The following MAP1B variants were observed in gnomAD, a reference collection of about 807,000 sequenced individuals.
MAP1B encodes microtubule-associated protein 1B.
A neutral mutation model predicts 176.1 loss-of-function variants in MAP1B; 12 were observed. That is an observed-to-expected ratio of 0.07 (90% CI 0.04 to 0.11). MAP1B has a LOEUF of 0.11. Among genes scored for constraint, MAP1B ranks in the 10% least tolerant of loss-of-function variants. The probability of loss-of-function intolerance (pLI) is 1.00; values close to 1 mark genes in which losing one functional copy is unlikely to be tolerated. For synonymous variants in MAP1B, 1,044 were observed against 1,135.0 expected (o/e 0.92, Z 1.61); for missense variants, 2,523 against 2,990.5 (o/e 0.84, Z 3.65).
intron 2 of MAP1B, among the ~76,000 whole-genome samples, chr5:72,167,831 GA>G (rs372851017): frequency 1.7e-4 from 26 of 152,206 alleles, no homozygotes; most frequent in African/African-American, 5.8e-4. Flanking sequence ...TTGTAGTTAC[GA>G]AACAGGAACT....
At chr5:72,185,728 TG>T (rs1385135953) in intron 3 of MAP1B, among the ~76,000 whole-genome samples, 1 of 152,138 alleles carries the variant, frequency 6.6e-6, no homozygotes, top group East Asian at 1.9e-4. Context: ...GTGGAGCAGA[TG>T]GGGCTGAAAC....
At chr5:72,134,552 A>AGAATTTGGTTTT (rs1745796598) in intron 2 of MAP1B, among the ~76,000 whole-genome samples, 7 of 152,124 alleles carry the variant, frequency 4.6e-5, no homozygotes, top group Admixed American at 3.9e-4. Context: ...TGTTAACGGA[A>AGAATTTGGTTTT]GCTGTTGTCT....
intron 2 of MAP1B, among the ~76,000 whole-genome samples, chr5:72,153,810 C>A (rs1188980624): frequency 6.6e-6 from 1 of 152,104 alleles, no homozygotes; most frequent in Non-Finnish European, 1.5e-5. Flanking sequence ...ATGACAAAAA[C>A]GTCTCCAGGT....
intron 2 of MAP1B, among the ~76,000 whole-genome samples, chr5:72,160,310 A>G (rs1044129949): frequency 6.6e-6 from 1 of 152,080 alleles, no homozygotes; most frequent in Non-Finnish European, 1.5e-5. Flanking sequence ...TTTGATCAAG[A>G]GCAATGGTAT....
chr5:72,167,592 A>G (rs1746455215), intron 2 of MAP1B, among the ~76,000 whole-genome samples: 1 of 152,234 alleles, frequency 6.6e-6, no homozygotes, highest in African/African-American at 2.4e-5. Flanking sequence ...ATCCTTTTGC[A>G]ACTGTCATTC....
Position 72,143,447 on chromosome 5 carries a change from C to T in MAP1B, c.286+27648C>T, listed in dbSNP as rs550011031. ...CAATTGAATTATGTCTTTATATTTG[C>T]AGTGTCTTCTTGGAGAGGACGTATC... On this transcript the variant is annotated intron_variant, in intron 2 of 6. Coordinates refer to ENST00000296755, the MANE Select transcript of MAP1B (RefSeq NM_005909.5). 2.0e-5 allele frequency among the ~76,000 whole-genome samples: 3 copies of T among 152,290 alleles called. No individual in the cohort carries two copies. In the South Asian group the frequency reaches 6.2e-4, roughly 32 times the overall value.
chr5:72,193,600 G>A (rs142762098), intron 4 of MAP1B, among the ~76,000 whole-genome samples: 5 of 152,328 alleles, frequency 3.3e-5, no homozygotes, highest in African/African-American at 1.2e-4. Context: ...AGATGGTGGA[G>A]GGGTTGTTGG....
At position 72,186,548 on chromosome 5, in the gene MAP1B, C is replaced by G; in HGVS notation, c.370-66C>G. On this transcript the variant is annotated intron_variant, in intron 3 of 6. Coordinates refer to ENST00000296755, the MANE Select transcript of MAP1B (RefSeq NM_005909.5). The surrounding 1 kb of genome is among the most constrained non-coding windows in gnomAD (Gnocchi z 4.3). ...ACTCCCATGGCTCCGAAGGCTAGCC[C>G]TGTCCTGAAGGTGGGATGGCAGCAC... is the stretch of plus-strand genomic sequence containing the variant. 1 of 1,585,628 alleles carries G rather than the reference C, an allele frequency of 6.3e-7. No individual in the cohort carries two copies. The highest frequency in any genetic ancestry group is 8.6e-7 in the Non-Finnish European group (1 of 1,161,936).
Position 72,195,908 on chromosome 5 carries a change from A to G in MAP1B, c.2553A>G (p.Thr851=). 6.2e-7 allele frequency: 1 copy of G among 1,614,254 alleles called. No individual in the cohort carries two copies. Among genetic ancestry groups the G allele is most frequent in the Non-Finnish European group, 8.5e-7 (1 of 1,180,046 alleles). The change falls in exon 5 of 7, where the codon ACA becomes ACG. Residue 851 remains threonine (T), a synonymous_variant. Coordinates refer to ENST00000296755, the MANE Select transcript of MAP1B (RefSeq NM_005909.5). The part of the protein sequence containing the change: ...EELKAEEVDV[T]KDIKPQLELI... The stretch of plus-strand genomic sequence containing the variant: ...TAAAGGCTGAAGAGGTCGATGTAAC[A>G]AAGGACATCAAGCCTCAGCTGGAGC...
chr5:72,117,886 G>T (rs1387007968), intron 2 of MAP1B, among the ~76,000 whole-genome samples: 3 of 152,162 alleles, frequency 2.0e-5, no homozygotes, highest in African/African-American at 7.2e-5. Context: ...GAGCATGAAG[G>T]TTTCCAACCA....
chr5:72,199,308 G>A lies in MAP1B; in HGVS notation c.5953G>A (p.Asp1985Asn). 1.2e-6 allele frequency: 2 copies of A among 1,614,098 alleles called. No homozygotes were observed. Among genetic ancestry groups the A allele is most frequent in the South Asian group, 2.2e-5 (2 of 91,078 alleles). ...EKTERSRRLL[D>N]DISNGYDDSE... ...GACTGAGAGGTCTAGAAGGCTTCTG[G>A]ATGACATCAGCAATGGCTATGATGA... Residue 1985 changes from aspartate to asparagine, a missense_variant, in exon 5 of 7, where the codon GAT (aspartate) becomes AAT (asparagine). Physicochemically the swap from Asp to Asn is conservative, Grantham distance 23. Transcript: ENST00000296755. The surrounding 1 kb of genome is among the most constrained non-coding windows in gnomAD (Gnocchi z 4.2).
chr5:72,147,330 C>T (rs1029359631), intron 2 of MAP1B, among the ~76,000 whole-genome samples: 7 of 151,970 alleles, frequency 4.6e-5, no homozygotes, highest in East Asian at 1.9e-4. Context: ...TCACCTTTCT[C>T]GGTAAAGCTG....
In MAP1B at chr5:72,196,935, G is replaced by C. The variant is rs1428670422; in HGVS notation, c.3580G>C (p.Ala1194Pro). ...ATTTTCTGAAGGATCAAAAACAGAT[G>C]CCACTGATGGCAAGGATTACAATGC... ...NGFSEGSKTDATDGKDYNASA... is the reference protein window; with the variant it reads ...NGFSEGSKTDPTDGKDYNASA... The change falls in exon 5 of 7, where the codon GCC becomes CCC. Residue 1194 changes from alanine (A) to proline (P), a missense_variant. Ala to Pro is a conservative substitution (Grantham distance 27, BLOSUM62 -1). Coordinates refer to ENST00000296755, the MANE Select transcript of MAP1B (RefSeq NM_005909.5). The surrounding 1 kb of genome is among the most constrained non-coding windows in gnomAD (Gnocchi z 5.3). 12 of 1,614,054 alleles carry C rather than the reference G, an allele frequency of 7.4e-6. No homozygotes were observed. The highest frequency in any genetic ancestry group is 9.3e-6 in the Non-Finnish European group (11 of 1,180,012).
At chr5:72,179,264 T>G (rs1251824483) in intron 2 of MAP1B, among the ~76,000 whole-genome samples, 1 of 152,224 alleles carries the variant, frequency 6.6e-6, no homozygotes, top group African/African-American at 2.4e-5. Flanking sequence ...CCCCCGCTTT[T>G]GCTGCCCTCA....
chr5:72,209,160 C>T lies in MAP1B; in HGVS notation c.*3921C>T, dbSNP rs912277737. On this transcript the variant is annotated 3_prime_UTR_variant, in exon 7 of 7. Transcript: ENST00000296755. ...GCAGCTTCTCTGCACTTGTTTGGAG[C>T]TCCCCAAAACAGGAGCCATGGAGAA... 1 of 152,198 alleles carries T rather than the reference C, an allele frequency of 6.6e-6. No homozygotes were observed. The highest frequency in any genetic ancestry group is 6.5e-5 in the Admixed American group (1 of 15,284). 9.4% of individuals were successfully genotyped at this position (152,198 alleles called of 1,614,324 possible). A position where few individuals can be genotyped will look rare whatever the true frequency, so the allele number is the denominator to read the frequency against.
At chr5:72,115,510 G>A (rs564427824) in intron 1 of MAP1B, among the ~76,000 whole-genome samples, 188 bp from the exon 2 acceptor site, 20 of 152,278 alleles carry the variant, frequency 1.3e-4, no homozygotes, top group Non-Finnish European at 2.4e-4. Context: ...TCCCTCCCTT[G>A]TGGCCTGGTG....
chr5:72,199,607 C>T lies in MAP1B; in HGVS notation c.6252C>T (p.Leu2084=), dbSNP rs935421789. 1.1e-5 allele frequency: 18 copies of T among 1,614,040 alleles called. No homozygotes were observed. Among genetic ancestry groups the T allele is most frequent in the Non-Finnish European group, 1.4e-5 (16 of 1,180,044 alleles). The change falls in exon 5 of 7, where the codon CTC becomes CTT. Residue 2084 remains leucine (L), a synonymous_variant. Transcript: ENST00000296755. This position sits in a 1 kb window ranked among gnomAD's most constrained non-coding sequence, Gnocchi z 4.2. The stretch of plus-strand genomic sequence containing the variant: ...CCCGTCAGGATGTCGATTTATGCCT[C>T]GTGTCCTCTTGTGAATACAAGCACC... ...SEARQDVDLC[L]VSSCEYKHPK... is the part of the protein sequence containing the mutation.
At chr5:72,200,447 G>A in intron 5 of MAP1B, 80 bp downstream of exon 5, 1 of 1,515,990 alleles carries the variant, frequency 6.6e-7, no homozygotes, top group Non-Finnish European at 8.9e-7. Context: ...TCCCTGTTTG[G>A]CTTTGTACTG....
chr5:72,197,635 G>A lies in MAP1B; in HGVS notation c.4280G>A (p.Ser1427Asn), dbSNP rs1199799420. ...AAGGCTTCTGGCAGAGGTGCCGAAAGTCCTTTTGAAGAAAAGAGTGGAAAA... is the reference window on the plus strand; with the variant it reads ...AAGGCTTCTGGCAGAGGTGCCGAAAATCCTTTTGAAGAAAAGAGTGGAAAA... ...DDKASGRGAE[S>N]PFEEKSGKQG... Residue 1427 changes from serine (S) to asparagine (N), a missense_variant, in exon 5 of 7, where the codon AGT (serine) becomes AAT (asparagine). Physicochemically the swap from Ser to Asn is conservative, Grantham distance 46. Transcript: ENST00000296755. The A allele has an allele frequency of 6.2e-7, 1 of 1,614,212 alleles. No homozygotes were observed. The highest frequency in any genetic ancestry group is 8.5e-7 in the Non-Finnish European group (1 of 1,180,044).
Sources: allele counts gnomAD v4.1 joint callset (sites outside exome capture counted in the v4.1 genomes callset), GRCh38; gene constraint gnomAD v4.1.1; non-coding constraint Gnocchi (gnomAD v3.1); transcripts MANE v1.5; gene names NCBI Gene and HGNC (gene_info 2026-07-23, HGNC 2026-07-21).